PTPRT: variants seen among roughly 807,000 people sequenced by gnomAD.
The protein encoded by PTPRT is receptor-type tyrosine-protein phosphatase T.
PTPRT carries 56 observed loss-of-function variants against 176.8 expected under a neutral mutation model. The ratio of observed to expected loss-of-function variants is 0.32; its 90% CI spans 0.26 to 0.40. PTPRT has a LOEUF of 0.40. Ranked by LOEUF, PTPRT falls within the 10% of genes least tolerant of loss-of-function variation. The pLI, the probability that PTPRT is intolerant of heterozygous loss-of-function variation, is 1.00. For synonymous variants in PTPRT, 783 were observed against 739.0 expected (o/e 1.06, Z -0.96); for missense variants, 1,540 against 1,908.2 (o/e 0.81, Z 3.60).
chr20:42,800,295 G>A (rs1169181082), intron 2 of PTPRT, among the ~76,000 whole-genome samples: 1 of 152,196 alleles, frequency 6.6e-6, no homozygotes, highest in Admixed American at 6.5e-5. Flanking sequence ...TGGGCACGTT[G>A]TGTTTGATGG....
At chr20:42,575,864 C>T (rs915724184) in intron 7 of PTPRT, among the ~76,000 whole-genome samples, 3 of 152,130 alleles carry the variant, frequency 2.0e-5, no homozygotes, top group African/African-American at 7.2e-5. Flanking sequence ...GCCTAGATGA[C>T]CCCAGCAGCT....
At chr20:42,665,783 G>T (rs1475033077) in intron 7 of PTPRT, among the ~76,000 whole-genome samples, 1 of 152,116 alleles carries the variant, frequency 6.6e-6, no homozygotes, top group African/African-American at 2.4e-5. Flanking sequence ...ATGAGTTCCT[G>T]TCCTTTGTAG....
intron 7 of PTPRT, among the ~76,000 whole-genome samples, chr20:42,516,544 T>C (rs2072070984): frequency 6.6e-6 from 1 of 152,184 alleles, no homozygotes; most frequent in South Asian, 2.1e-4. Flanking sequence ...TGCACATTAA[T>C]GTTGGTAGAT....
intron 7 of PTPRT, among the ~76,000 whole-genome samples, chr20:42,664,013 C>T (rs2075270907): frequency 6.6e-6 from 1 of 152,148 alleles, no homozygotes; most frequent in African/African-American, 2.4e-5. Context: ...CATGCTGTAC[C>T]AGTTAACTTA....
intron 15 of PTPRT, among the ~76,000 whole-genome samples, chr20:42,214,573 C>A (rs997696714): frequency 6.6e-6 from 1 of 152,252 alleles, no homozygotes; most frequent in African/African-American, 2.4e-5. Context: ...TGGTCTTCTA[C>A]TTCCATTGCT....
intron 7 of PTPRT, among the ~76,000 whole-genome samples, chr20:42,640,589 A>G (rs578092171): frequency 1.3e-5 from 2 of 152,104 alleles, no homozygotes; most frequent in African/African-American, 4.8e-5. Flanking sequence ...GGTTTTCACC[A>G]TGTTGGCCAG....
intron 1 of PTPRT, among the ~76,000 whole-genome samples, chr20:43,186,349 C>T (rs1276528326): frequency 1.3e-5 from 2 of 152,302 alleles, no homozygotes; most frequent in East Asian, 3.9e-4. Flanking sequence ...CGCCCACCCT[C>T]GCCCCCCCAT....
chr20:42,711,386 C>T (rs1283538824), intron 6 of PTPRT, among the ~76,000 whole-genome samples: 1 of 151,998 alleles, frequency 6.6e-6, no homozygotes, highest in African/African-American at 2.4e-5. Flanking sequence ...GCAGATCCCT[C>T]ATGAATGTCT....
At chr20:42,579,943 G>A (rs6130172) in intron 7 of PTPRT, among the ~76,000 whole-genome samples, 94,965 of 152,030 alleles carry the variant, frequency 0.62, 30,814 homozygotes, top group African/African-American at 0.79. Flanking sequence ...TTTTGTTGCC[G>A]TTGCTTTTGG....
At chr20:42,115,102 G>T in intron 22 of PTPRT, 97 bp downstream of exon 22, 1 of 865,086 alleles carries the variant, frequency 1.2e-6, no homozygotes. Context: ...GTATGGGGCT[G>T]GACGTAGAGC....
intron 14 of PTPRT, among the ~76,000 whole-genome samples, chr20:42,248,331 T>C (rs1407099975): frequency 1.3e-5 from 2 of 152,224 alleles, no homozygotes; most frequent in Admixed American, 6.5e-5. Flanking sequence ...GACTGATCCA[T>C]GTTCCTGGGG....
intron 19 of PTPRT, among the ~76,000 whole-genome samples, chr20:42,127,229 T>C (rs114231866): frequency 0.013 from 1,980 of 152,200 alleles, 55 homozygotes; most frequent in African/African-American, 0.044. Flanking sequence ...AGAGCCCCAG[T>C]GGGCTGACTG....
intron 17 of PTPRT, among the ~76,000 whole-genome samples, chr20:42,149,663 A>G (rs941084177): frequency 9.2e-5 from 14 of 152,216 alleles, no homozygotes; most frequent in African/African-American, 2.9e-4. Context: ...ACCTCAGGTA[A>G]TCTGCCTGCC....
At chr20:42,600,424 G>A (rs1165027746) in intron 7 of PTPRT, among the ~76,000 whole-genome samples, 1 of 152,102 alleles carries the variant, frequency 6.6e-6, no homozygotes, top group Non-Finnish European at 1.5e-5. Flanking sequence ...ACAGGTGTGA[G>A]CTACCACACC....
chr20:42,736,466 G>A (rs1194196514), intron 6 of PTPRT, among the ~76,000 whole-genome samples: 3 of 152,184 alleles, frequency 2.0e-5, no homozygotes, highest in Admixed American at 2.0e-4. Flanking sequence ...GTCCACTGAG[G>A]GCCCACAATG....
chr20:42,044,373 C>T, the PTPRT span, among the ~76,000 whole-genome samples: 2 of 152,212 alleles, frequency 1.3e-5, no homozygotes, highest in Non-Finnish European at 2.9e-5. Flanking sequence ...GACTTTACAA[C>T]CACTCAGGCC....
At chr20:42,118,864 A>G (rs1267923324) in intron 20 of PTPRT, among the ~76,000 whole-genome samples, 1 of 152,014 alleles carries the variant, frequency 6.6e-6, no homozygotes, top group East Asian at 1.9e-4. Flanking sequence ...ATTGGTCTCC[A>G]GAACCTCCAT....
intron 7 of PTPRT, among the ~76,000 whole-genome samples, chr20:42,599,812 G>T (rs2145785695): frequency 6.6e-6 from 1 of 152,100 alleles, no homozygotes; most frequent in East Asian, 1.9e-4. Flanking sequence ...ATGCCACCAA[G>T]CTACCATTGC....
At chr20:42,363,557 G>A (rs560750485) in intron 9 of PTPRT, among the ~76,000 whole-genome samples, 4 of 151,540 alleles carry the variant, frequency 2.6e-5, no homozygotes, top group East Asian at 2.0e-4. Flanking sequence ...TGATCAGCCC[G>A]CCTCGGCCTC....
Sources: allele counts gnomAD v4.1 joint callset (sites outside exome capture counted in the v4.1 genomes callset), GRCh38; gene constraint gnomAD v4.1.1; transcripts MANE v1.5; gene names NCBI Gene and HGNC (gene_info 2026-07-23, HGNC 2026-07-21).